CADPS2: variants seen among roughly 807,000 people sequenced by gnomAD.
CADPS2 encodes the protein calcium dependent secretion activator 2.
A neutral mutation model predicts 172.5 loss-of-function variants in CADPS2; 93 were observed. The ratio of observed to expected loss-of-function variants is 0.54; its 90% CI spans 0.46 to 0.64. CADPS2 has a LOEUF of 0.64. Among genes scored for constraint, CADPS2 ranks in the 30% least tolerant of loss-of-function variants. The pLI is 0.00. For missense variants in CADPS2, 1,420 were observed against 1,565.9 expected, an observed-to-expected ratio of 0.91 and a Z score of 1.57; for synonymous variants, 546 against 555.2, an observed-to-expected ratio of 0.98 and a Z score of 0.23.
At chr7:122,475,570 T>A (rs2056537027) in intron 12 of CADPS2, among the ~76,000 whole-genome samples, 1 of 152,182 alleles carries the variant, frequency 6.6e-6, no homozygotes. Context: ...AGAGTCAGAC[T>A]CATAATAAAA....
chr7:122,644,605 G>C (rs1409073680), intron 3 of CADPS2, among the ~76,000 whole-genome samples: 1 of 152,060 alleles, frequency 6.6e-6, no homozygotes, highest in South Asian at 2.1e-4. Flanking sequence ...AAAGGTTCTT[G>C]GACTCCAATA....
chr7:122,662,754 A>C (rs887268834), intron 3 of CADPS2, among the ~76,000 whole-genome samples: 1 of 152,232 alleles, frequency 6.6e-6, no homozygotes, highest in Admixed American at 6.5e-5. Flanking sequence ...TTTAAATTAC[A>C]TAGTTCAACT....
intron 1 of CADPS2, among the ~76,000 whole-genome samples, chr7:122,873,188 A>T (rs542747035): frequency 8.5e-5 from 13 of 152,124 alleles, no homozygotes; most frequent in South Asian, 2.1e-4. Context: ...CAAAACAAAA[A>T]TTTTTTTAAT....
At chr7:122,577,403 T>C (rs768784385) in intron 7 of CADPS2, among the ~76,000 whole-genome samples, 7 of 152,146 alleles carry the variant, frequency 4.6e-5, no homozygotes, top group Non-Finnish European at 4.4e-5. Flanking sequence ...TATAATTTTC[T>C]AGAATGAATG....
chr7:122,797,860 TA>T, intron 1 of CADPS2, among the ~76,000 whole-genome samples: 1 of 152,314 alleles, frequency 6.6e-6, no homozygotes, highest in African/African-American at 2.4e-5. Context: ...CCCCTGAACT[TA>T]AAAGTTAAAT....
chr7:122,788,731 C>T (rs1370255545), intron 1 of CADPS2, among the ~76,000 whole-genome samples: 3 of 152,128 alleles, frequency 2.0e-5, no homozygotes, highest in Admixed American at 2.0e-4. Context: ...ATCTTGGTAT[C>T]CACCTTTCCA....
chr7:122,572,665 C>G (rs1402961029), intron 7 of CADPS2, among the ~76,000 whole-genome samples: 1 of 152,080 alleles, frequency 6.6e-6, no homozygotes, highest in East Asian at 1.9e-4. Flanking sequence ...ATAGATGTCC[C>G]TTGGGACTGC....
chr7:122,429,959 A>G (rs2049666885), intron 17 of CADPS2, among the ~76,000 whole-genome samples: 1 of 152,058 alleles, frequency 6.6e-6, no homozygotes, highest in East Asian at 1.9e-4. Flanking sequence ...ACTTATTGCT[A>G]TCGTGTACAA....
intron 1 of CADPS2, among the ~76,000 whole-genome samples, chr7:122,770,725 G>A (rs142990180): frequency 3.9e-4 from 59 of 152,242 alleles, no homozygotes; most frequent in African/African-American, 1.4e-3. Context: ...GGATCTAAAG[G>A]TGCCTGCATT....
At chr7:122,504,021 G>A (rs2059423557) in intron 9 of CADPS2, among the ~76,000 whole-genome samples, 1 of 152,140 alleles carries the variant, frequency 6.6e-6, no homozygotes, top group Non-Finnish European at 1.5e-5. Context: ...GGAAGTGAAG[G>A]GAAGATAAAC....
chr7:122,364,273 G>C (rs73216104), intron 25 of CADPS2, among the ~76,000 whole-genome samples: 34,718 of 151,642 alleles, frequency 0.23, 4,213 homozygotes, highest in Non-Finnish European at 0.26. Flanking sequence ...AAATTGGCTG[G>C]GCATGGTGGC....
intron 28 of CADPS2, among the ~76,000 whole-genome samples, chr7:122,341,351 AT>A (rs1003695746): frequency 6.6e-5 from 10 of 152,200 alleles, no homozygotes; most frequent in Admixed American, 1.3e-4. Flanking sequence ...CAGTCCAGTA[AT>A]TTCGGTCATC....
At chr7:122,356,403 A>T (rs1311765958) in intron 27 of CADPS2, among the ~76,000 whole-genome samples, 1 of 152,214 alleles carries the variant, frequency 6.6e-6, no homozygotes. Flanking sequence ...GGCTGATATT[A>T]TCAATATGAT....
At chr7:122,454,189 T>C (rs545771900) in intron 14 of CADPS2, among the ~76,000 whole-genome samples, 2 of 152,324 alleles carry the variant, frequency 1.3e-5, no homozygotes, top group African/African-American at 4.8e-5. Flanking sequence ...AAAACAAACA[T>C]AATGATGAGC....
intron 24 of CADPS2, chr7:122,382,411 C>G (rs1044298814): frequency 1.3e-5 from 2 of 152,092 alleles, no homozygotes; most frequent in Admixed American, 6.6e-5. Flanking sequence ...GGGGTGGGTA[C>G]AGGAGTGTTC....
At chr7:122,491,673 A>G (rs1468798592) in intron 9 of CADPS2, among the ~76,000 whole-genome samples, 2 of 152,150 alleles carry the variant, frequency 1.3e-5, no homozygotes, top group African/African-American at 2.4e-5. Context: ...TCAAGCTTCT[A>G]TATTAATAGA....
chr7:122,436,361 T>C (rs2050641405), intron 17 of CADPS2: 1 of 1,279,290 alleles, frequency 7.8e-7, no homozygotes, highest in East Asian at 5.7e-5. Context: ...ATTAATTACC[T>C]GTTTCCTTTT....
chr7:122,658,863 C>T (rs1233608745), intron 3 of CADPS2, among the ~76,000 whole-genome samples: 1 of 151,816 alleles, frequency 6.6e-6, no homozygotes, highest in African/African-American at 2.4e-5. Context: ...TGCACATGTA[C>T]CCTAGAACTT....
At chr7:122,706,843 CA>C (rs1014525825) in intron 2 of CADPS2, among the ~76,000 whole-genome samples, 15 of 149,660 alleles carry the variant, frequency 1.0e-4, no homozygotes, top group African/African-American at 3.4e-4. Context: ...CACACACACA[CA>C]TTTTTTTTTT....
Sources: allele counts gnomAD v4.1 joint callset (sites outside exome capture counted in the v4.1 genomes callset), GRCh38; gene constraint gnomAD v4.1.1; transcripts MANE v1.5; gene names NCBI Gene and HGNC (gene_info 2026-07-23, HGNC 2026-07-21).